CELSR2: variants seen among roughly 807,000 people sequenced by gnomAD.
CELSR2 encodes EGF-like protein 2.
Under a neutral mutation model 251.6 loss-of-function variants are expected in CELSR2, and 81 were observed. That is an observed-to-expected ratio of 0.32 (90% CI 0.27 to 0.39). CELSR2 has a LOEUF of 0.39. Ranked by LOEUF, CELSR2 falls within the 10% of genes least tolerant of loss-of-function variation. The pLI is 1.00. For synonymous variants in CELSR2, 1,721 were observed against 1,670.5 expected (o/e 1.03, Z -0.74); for missense variants, 3,365 against 3,947.7 (o/e 0.85, Z 3.96).
chr1:109,253,964 T>G (rs1363855351), intron 1 of CELSR2, among the ~76,000 whole-genome samples: 3 of 152,356 alleles, frequency 2.0e-5, no homozygotes, highest in South Asian at 2.1e-4. Context: ...TCTAGCGCAT[T>G]CTTTTCCCTC....
chr1:109,265,242 A>T lies in CELSR2; in HGVS notation c.5658A>T (p.Pro1886=). 6.2e-7 allele frequency: 1 copy of T among 1,613,026 alleles called. No homozygotes were observed. Among genetic ancestry groups the T allele is most frequent in the Non-Finnish European group, 8.5e-7 (1 of 1,179,312 alleles). ...GGTGGGGACATCCCACATGTGGCCC[A>T]TGCAACTGTGATGTCAGCAAAGGCT... ...RGWWGHPTCG[P]CNCDVSKGFD... Residue 1886 remains proline (P), a synonymous_variant, in exon 13 of 34, where the codon CCA becomes CCT. Transcript: ENST00000271332.
chr1:109,267,487 C>A, intron 15 of CELSR2, 61 bp from the exon 16 acceptor site: 2 of 1,501,948 alleles, frequency 1.3e-6, no homozygotes, highest in South Asian at 1.2e-5. Flanking sequence ...ACCTCTCAGC[C>A]AGTCTCAGGG....
intron 24 of CELSR2, 142 bp from the exon 25 acceptor site, chr1:109,270,785 C>CTGGGGAGATCGGTAGGGGCCGATGG: frequency 2.0e-6 from 2 of 999,536 alleles, no homozygotes; most frequent in Non-Finnish European, 3.0e-6. Context: ...CTCCCTTATC[C>CTGGGGAGATCGGTAGGGGCCGATGG]TGGGGAGATC....
Position 109,269,045 on chromosome 1 carries a change from C to T in CELSR2, c.6631+37C>T, listed in dbSNP as rs745502062. On this transcript the variant is annotated intron_variant, in intron 19 of 33. Transcript: ENST00000271332. This position sits in a 1 kb window ranked among gnomAD's most constrained non-coding sequence, Gnocchi z 6.4. ...CCATGGATTGAGTTGGGAGCTGGAC[C>T]CCAGTGTCTGTGCAGACTCCACAGA... 1.2e-6 allele frequency: 2 copies of T among 1,601,064 alleles called. No individual in the cohort carries two copies. The highest frequency in any genetic ancestry group is 2.2e-5 in the South Asian group (2 of 90,372).
chr1:109,266,354 C>T, intron 15 of CELSR2, 148 bp downstream of exon 15: 1 of 913,590 alleles, frequency 1.1e-6, no homozygotes, highest in Non-Finnish European at 1.6e-6. Context: ...CCTTGGTTCA[C>T]ATTCCCCCTT....
rs1423060859 is a variant in CELSR2 at position 109,275,484 on chromosome 1, T to C, written c.*1435T>C. The C allele has an allele frequency of 6.6e-6, 1 of 152,266 alleles. No individual in the cohort carries two copies. Among genetic ancestry groups the C allele is most frequent in the Admixed American group, 6.5e-5 (1 of 15,286 alleles). The allele number at this position is 152,266 out of a possible 1,614,324, so 9.4% of individuals were successfully genotyped here. A position where few individuals can be genotyped will look rare whatever the true frequency, so the allele number is the denominator to read the frequency against. ...GCTGTGGGCAGGAAAGAAAGGCTCCTGTTTCTCATTTGTGAGGCCAGCCTC... is the reference window on the plus strand; with the variant it reads ...GCTGTGGGCAGGAAAGAAAGGCTCCCGTTTCTCATTTGTGAGGCCAGCCTC... On this transcript the variant is annotated 3_prime_UTR_variant, in exon 34 of 34. Transcript: ENST00000271332.
chr1:109,273,783 T>C (rs2101286778), intron 33 of CELSR2, 113 bp downstream of exon 33: 1 of 996,582 alleles, frequency 1.0e-6, no homozygotes, highest in Non-Finnish European at 1.5e-6. Context: ...GGAGGACAAA[T>C]GGGCAGAACT....
rs1283246132 is a variant in CELSR2, at chr1:109,250,031, A to C, written c.-49A>C. 5 of 1,284,812 alleles carry C rather than the reference A, an allele frequency of 3.9e-6. No homozygotes were observed. The highest frequency in any genetic ancestry group is 4.9e-6 in the Non-Finnish European group (5 of 1,023,198). The allele number at this position is 1,284,812 out of a possible 1,614,324, so 79.6% of individuals were successfully genotyped here. A position where few individuals can be genotyped will look rare whatever the true frequency, so the allele number is the denominator to read the frequency against. ...CGGCGGGGCCGGCAGGAGCCGGAGGAGGAGCCGCCGCCGCCGTTGACCCGG... is the reference window on the plus strand; with the variant it reads ...CGGCGGGGCCGGCAGGAGCCGGAGGCGGAGCCGCCGCCGCCGTTGACCCGG... On this transcript the variant is annotated 5_prime_UTR_variant, in exon 1 of 34. Transcript: ENST00000271332. The surrounding 1 kb of genome is among the most constrained non-coding windows in gnomAD (Gnocchi z 4.4).
chr1:109,273,787 C>T, intron 33 of CELSR2, 117 bp downstream of exon 33: 1 of 987,102 alleles, frequency 1.0e-6, no homozygotes, highest in South Asian at 1.7e-5. Flanking sequence ...GACAAATGGG[C>T]AGAACTGGCC....
At chr1:109,260,799 G>A (rs974449332) in intron 2 of CELSR2, among the ~76,000 whole-genome samples, 4 of 152,212 alleles carry the variant, frequency 2.6e-5, no homozygotes, top group African/African-American at 4.8e-5. Context: ...GAACTTGCAG[G>A]GGAGCAGTGC....
At position 109,265,174 on chromosome 1, in the gene CELSR2, T is replaced by C. The variant is rs552728142; in HGVS notation, c.5607-17T>C. The stretch of plus-strand genomic sequence containing the variant: ...GTGGCAGGGGGAGCTCATGCCTACC[T>C]GGGTCCCTCTCTGCAGGATTGACCA... On this transcript the variant is annotated splice_polypyrimidine_tract_variant and intron_variant, in intron 12 of 33. Transcript: ENST00000271332. 1 of 1,583,148 alleles carries C rather than the reference T, an allele frequency of 6.3e-7. No individual in the cohort carries two copies. The highest frequency in any genetic ancestry group is 8.6e-7 in the Non-Finnish European group (1 of 1,162,742).
At position 109,264,105 on chromosome 1, in the gene CELSR2, G is replaced by T; in HGVS notation, c.5029G>T (p.Val1677Leu). Reference sequence around the variant, plus strand: ...ACGAGAGGGCCACGTGATGCTGAGCGTGGAGGGCACAGGGCTTCAGGCCTC... The same window carrying T: ...ACGAGAGGGCCACGTGATGCTGAGCTTGGAGGGCACAGGGCTTCAGGCCTC... Reference protein sequence around the residue: ...QLREGHVMLSVEGTGLQASSL... With the variant: ...QLREGHVMLSLEGTGLQASSL... Residue 1677 changes from valine to leucine, a missense_variant, in exon 10 of 34, where the codon GTG becomes TTG. Around this residue, in one of 5 missense-constraint regions of CELSR2, gnomAD observed 2,093 missense variants for 2,382.8 expected, o/e 0.88. Transcript: ENST00000271332. 1 of 1,591,488 alleles carries T rather than the reference G, an allele frequency of 6.3e-7. No homozygotes were observed. The highest frequency in any genetic ancestry group is 8.6e-7 in the Non-Finnish European group (1 of 1,163,384).
rs767636577 is a variant in CELSR2 at position 109,262,366 on chromosome 1, C to T, written c.4466C>T (p.Thr1489Ile). Reference sequence around the variant, plus strand: ...GTGGTGACCGTGGATGGCTGTGACACAGGAGTGGCCTTGCGCTTCGGATCT... The same window carrying T: ...GTGGTGACCGTGGATGGCTGTGACATAGGAGTGGCCTTGCGCTTCGGATCT... ...VAVVTVDGCD[T>I]GVALRFGSVL... The change falls in exon 6 of 34, where the codon ACA becomes ATA. Residue 1489 changes from threonine (T) to isoleucine (I), a missense_variant. Thr to Ile is a moderately conservative substitution (Grantham distance 89). This residue lies in a region of CELSR2 where 2,093 missense variants were observed against 2,382.8 expected (regional missense o/e 0.88). Coordinates refer to ENST00000271332, the MANE Select transcript of CELSR2 (RefSeq NM_001408.3). 1 of 1,614,204 alleles carries T rather than the reference C, an allele frequency of 6.2e-7. No individual in the cohort carries two copies. The highest frequency in any genetic ancestry group is 8.5e-7 in the Non-Finnish European group (1 of 1,180,044).
chr1:109,271,601 G>A lies in CELSR2; in HGVS notation c.7805G>A (p.Gly2602Asp). Residue 2602 changes from glycine to aspartate, a missense_variant and splice_region_variant, in exon 28 of 34, where the codon GGC becomes GAC. By Grantham distance (94) the Gly-to-Asp change is moderately conservative (BLOSUM62 -1). This residue lies in a region of CELSR2 where 2,093 missense variants were observed against 2,382.8 expected (regional missense o/e 0.88). Transcript: ENST00000271332. ...CCGTTGCTGCCTCTTGCCTGCCAGG[G>A]CCCCTTCATCTTCCTCTCCTATGTG... ...YLFATCNCIQ[G>D]PFIFLSYVVL... 6.2e-7 allele frequency: 1 copy of A among 1,614,118 alleles called. No homozygotes were observed. Among genetic ancestry groups the A allele is most frequent in the Non-Finnish European group, 8.5e-7 (1 of 1,180,036 alleles).
At position 109,258,822 on chromosome 1, in the gene CELSR2, G is replaced by A. The variant is rs751056403; in HGVS notation, c.3701G>A (p.Arg1234Gln). 3.7e-6 allele frequency: 6 copies of A among 1,612,064 alleles called. No homozygotes were observed. The South Asian group carries it at 5.5e-5, about 15-fold the overall frequency. ...VLPFDDNICL[R>Q]EPCENYMRCV... is the part of the protein sequence containing the mutation. The stretch of plus-strand genomic sequence containing the variant: ...CCCTTCGACGACAACATCTGCCTGC[G>A]GGAGCCCTGCGAGAACTACATGCGC... The change falls in exon 2 of 34, where the codon CGG becomes CAG. Residue 1234 changes from arginine (R) to glutamine (Q), a missense_variant. By Grantham distance (43) the Arg-to-Gln change is conservative. Transcript: ENST00000271332.
In CELSR2 at chr1:109,253,045, G is replaced by A. The variant is rs371103449; in HGVS notation, c.2966G>A (p.Arg989Gln). Residue 989 changes from arginine (R) to glutamine (Q), a missense_variant, in exon 1 of 34, where the codon CGG becomes CAG. Around this residue, in one of 5 missense-constraint regions of CELSR2, gnomAD observed 505 missense variants for 660.0 expected, o/e 0.77. Transcript: ENST00000271332. ...CTGGTAGACTTAGACTACGAGGACC[G>A]GCCTGAGTACGTCCTGGTCATCCAG... ...TALVDLDYED[R>Q]PEYVLVIQAT... The A allele has an allele frequency of 1.9e-5, 31 of 1,613,558 alleles. No homozygotes were observed. Among genetic ancestry groups the A allele is most frequent in the African/African-American group, 2.7e-5 (2 of 74,918 alleles).
rs755718064 is a variant in CELSR2 at position 109,273,573 on chromosome 1, C to T, written c.8647C>T (p.Pro2883Ser). 1.9e-6 allele frequency: 3 copies of T among 1,564,654 alleles called. No individual in the cohort carries two copies. Among genetic ancestry groups the T allele is most frequent in the Non-Finnish European group, 2.6e-6 (3 of 1,155,046 alleles). The change falls in exon 33 of 34, where the codon CCG (proline) becomes TCG (serine). Residue 2883 changes from proline to serine, a missense_variant. Transcript: ENST00000271332. ...CCGGGGAGGCCCCCCTCCCCGCCCACCGCCCCGGCAGAGCCTCCAGGAGCA... is the reference window on the plus strand; with the variant it reads ...CCGGGGAGGCCCCCCTCCCCGCCCATCGCCCCGGCAGAGCCTCCAGGAGCA... ...GSRGGPPPRP[P>S]PRQSLQEQLN...
rs1234550842 is a variant in CELSR2, at chr1:109,274,309, C to A, written c.*260C>A. 1.4e-6 allele frequency: 1 copy of A among 725,186 alleles called. No individual in the cohort carries two copies. Among genetic ancestry groups the A allele is most frequent in the Non-Finnish European group, 2.1e-6 (1 of 477,902 alleles). 44.9% of individuals were successfully genotyped at this position (725,186 alleles called of 1,614,324 possible). A position where few individuals can be genotyped will look rare whatever the true frequency, so the allele number is the denominator to read the frequency against. On this transcript the variant is annotated 3_prime_UTR_variant, in exon 34 of 34. Transcript: ENST00000271332. ...CCAACATCTCCAAGACAAAGTTTTT[C>A]AGAAAAGAGGAAAAAAAGAATTTAA...
chr1:109,268,119 G>T (rs1253351709), intron 17 of CELSR2, 59 bp downstream of exon 17: 14 of 1,543,210 alleles, frequency 9.1e-6, no homozygotes, highest in Non-Finnish European at 1.2e-5. Flanking sequence ...GAGTGAGCCT[G>T]CTCATGGCAA....
Sources: gnomAD v4.1 joint callset for allele counts (sites outside exome capture counted in the v4.1 genomes callset) on GRCh38, gnomAD v4.1.1 for gene constraint, gnomAD v4.1.1 regional missense constraint, Gnocchi (gnomAD v3.1) non-coding constraint, MANE v1.5 for transcripts, NCBI Gene and HGNC (gene_info 2026-07-23, HGNC 2026-07-21) for gene names.